INSL6: variants seen among roughly 807,000 people sequenced by gnomAD.
The protein encoded by INSL6 is insulin-like peptide INSL6.
Under a neutral mutation model 9.4 loss-of-function variants are expected in INSL6, and 16 were observed. The ratio of observed to expected loss-of-function variants is 1.70; its 90% CI spans 1.15 to 2.59. The LOEUF is 2.59. Among genes scored for constraint, INSL6 ranks in the 30% most tolerant of loss-of-function variants. INSL6 has a pLI of 0.00. For synonymous variants in INSL6, 154 were observed against 96.9 expected, an observed-to-expected ratio of 1.59 and a Z score of -3.46; for missense variants, 391 against 257.3, an observed-to-expected ratio of 1.52 and a Z score of -3.56.
chr9:5,145,280 T>C (rs967161718), intron 2 of INSL6, among the ~76,000 whole-genome samples: 1 of 152,182 alleles, frequency 6.6e-6, no homozygotes, highest in African/African-American at 2.4e-5. Flanking sequence ...TGTTTAATAC[T>C]GACCCCCTAT....
At chr9:5,003,987 A>C in the INSL6 span, among the ~76,000 whole-genome samples, 1 of 152,106 alleles carries the variant, frequency 6.6e-6, no homozygotes, top group Non-Finnish European at 1.5e-5. Flanking sequence ...ATAATGTAAA[A>C]TATATTGACT....
At position 5,149,636 on chromosome 9, in the gene INSL6, T is replaced by C. The variant is rs747901949; in HGVS notation, c.376+14543A>G. 9.4e-4 allele frequency among the ~76,000 whole-genome samples: 143 copies of C among 152,188 alleles called. 1 individual carries two copies. The highest frequency in any genetic ancestry group is 1.7e-3 in the Non-Finnish European group (118 of 68,010). On this transcript the variant is annotated intron_variant, in intron 2 of 3. Coordinates refer to the INSL6 transcript ENST00000649639. ...AACGGCTGATGCTCATGGACTGAAATATCTTTAAAATGACCATATTGCCCA... is the reference window on the plus strand; with the variant it reads ...AACGGCTGATGCTCATGGACTGAAACATCTTTAAAATGACCATATTGCCCA...
the INSL6 span, among the ~76,000 whole-genome samples, chr9:5,037,484 TAAG>T: frequency 6.6e-6 from 1 of 152,120 alleles, no homozygotes; most frequent in African/African-American, 2.4e-5. Flanking sequence ...TAGACTGGAT[TAAG>T]AAAATGTGGC....
the INSL6 span, among the ~76,000 whole-genome samples, chr9:5,057,529 A>C: frequency 6.6e-6 from 1 of 151,800 alleles, no homozygotes; most frequent in Admixed American, 6.6e-5. Context: ...CATTAAATAA[A>C]AACTCACCAT....
chr9:5,077,497 T>TATC, the INSL6 span: 1 of 1,407,798 alleles, frequency 7.1e-7, no homozygotes, highest in Non-Finnish European at 9.5e-7. Flanking sequence ...ACTAGATACA[T>TATC]ATCTGAAAAA....
At chr9:5,116,646 T>C in the INSL6 span, among the ~76,000 whole-genome samples, 1 of 152,192 alleles carries the variant, frequency 6.6e-6, no homozygotes, top group African/African-American at 2.4e-5. Context: ...CTAATAAATA[T>C]TTATTAAGAC....
At chr9:5,131,506 C>T (rs1294778924) in intron 3 of INSL6, among the ~76,000 whole-genome samples, 1 of 141,916 alleles carries the variant, frequency 7.0e-6, no homozygotes, top group African/African-American at 2.8e-5. Context: ...GGCGTGATCT[C>T]GGCTCACTGC....
chr9:5,068,034 C>G, the INSL6 span, among the ~76,000 whole-genome samples: 1 of 151,938 alleles, frequency 6.6e-6, no homozygotes, highest in African/African-American at 2.4e-5. Flanking sequence ...GTGGTGCGCA[C>G]CTGTAGTCCC....
At chr9:5,058,441 T>G in the INSL6 span, among the ~76,000 whole-genome samples, 4 of 152,118 alleles carry the variant, frequency 2.6e-5, no homozygotes, top group African/African-American at 9.7e-5. Flanking sequence ...CTCACTATCA[T>G]GAGAACAGCA....
chr9:5,011,367 T>A, the INSL6 span, among the ~76,000 whole-genome samples: 2 of 151,964 alleles, frequency 1.3e-5, no homozygotes, highest in African/African-American at 4.8e-5. Context: ...AAAAAAATTT[T>A]TTTGTAGAGA....
At chr9:5,173,144 T>C (rs998061548) in intron 1 of INSL6, among the ~76,000 whole-genome samples, 2 of 152,138 alleles carry the variant, frequency 1.3e-5, no homozygotes, top group African/African-American at 4.8e-5. Context: ...TGCAGAGAAA[T>C]AGGAACTAAT....
At chr9:5,102,556 T>C in the INSL6 span, among the ~76,000 whole-genome samples, 3 of 151,856 alleles carry the variant, frequency 2.0e-5, no homozygotes, top group Non-Finnish European at 4.4e-5. Context: ...ACAAAGATAC[T>C]CCTCGAGAAG....
At chr9:5,035,893 G>A in the INSL6 span, among the ~76,000 whole-genome samples, 1 of 152,270 alleles carries the variant, frequency 6.6e-6, no homozygotes, top group Non-Finnish European at 1.5e-5. Context: ...CAGTCAGGCT[G>A]GAGAAGGAAA....
chr9:5,111,907 G>T, the INSL6 span: 1 of 353,444 alleles, frequency 2.8e-6, no homozygotes, highest in South Asian at 2.1e-5. Flanking sequence ...CCTCGGGAAG[G>T]CCTGGCCTCA....
downstream of INSL6, among the ~76,000 whole-genome samples, chr9:5,123,511 A>G (rs539384724): frequency 5.9e-5 from 9 of 152,120 alleles, no homozygotes; most frequent in East Asian, 1.7e-3. Flanking sequence ...ATAGTATTCC[A>G]TTTTGTATGT....
At chr9:5,014,124 A>G in the INSL6 span, among the ~76,000 whole-genome samples, 1 of 151,274 alleles carries the variant, frequency 6.6e-6, no homozygotes, top group African/African-American at 2.4e-5. Flanking sequence ...GTGTATGTGT[A>G]CAGTTGATTA....
intron 1 of INSL6, among the ~76,000 whole-genome samples, chr9:5,164,949 T>C (rs1050641762): frequency 1.3e-5 from 2 of 152,258 alleles, no homozygotes; most frequent in Non-Finnish European, 2.9e-5. Flanking sequence ...GGCTCACGCC[T>C]GTAATCCCAG....
At chr9:5,022,911 C>G in the INSL6 span, among the ~76,000 whole-genome samples, 3 of 152,082 alleles carry the variant, frequency 2.0e-5, no homozygotes, top group Non-Finnish European at 4.4e-5. Flanking sequence ...AATTAAATGT[C>G]TAATATAGTA....
intron 2 of INSL6, among the ~76,000 whole-genome samples, chr9:5,141,111 T>C (rs747865601): frequency 7.9e-5 from 12 of 152,216 alleles, no homozygotes; most frequent in Non-Finnish European, 1.5e-4. Context: ...AGTCTATCAC[T>C]GACGGACATT....
Sources: allele counts gnomAD v4.1 joint callset (sites outside exome capture counted in the v4.1 genomes callset), GRCh38; gene constraint gnomAD v4.1.1; transcripts MANE v1.5; gene names NCBI Gene and HGNC (gene_info 2026-07-23, HGNC 2026-07-21).